The following PAN3 variants were observed in gnomAD, a reference collection of about 807,000 sequenced individuals.
PAN3 encodes the protein poly(A) specific ribonuclease subunit PAN3.
PAN3 carries 19 observed loss-of-function variants against 96.2 expected under a neutral mutation model. The ratio of observed to expected loss-of-function variants is 0.20; its 90% CI spans 0.14 to 0.29. The LOEUF is 0.29. PAN3 is among the 10% of genes least tolerant of loss of function. The pLI is 1.00. For missense variants in PAN3, 882 were observed against 1,108.1 expected, an observed-to-expected ratio of 0.80 and a Z score of 2.90; for synonymous variants, 433 against 406.6, an observed-to-expected ratio of 1.06 and a Z score of -0.78.
intron 5 of PAN3, chr13:28,214,369 C>T (rs376489331): frequency 1.2e-4 from 18 of 155,358 alleles, no homozygotes; most frequent in South Asian, 4.0e-4. Context: ...TTGATAATGT[C>T]GAATACTAAT....
At chr13:28,216,924 C>A (rs924494331) in intron 5 of PAN3, among the ~76,000 whole-genome samples, 28 of 150,064 alleles carry the variant, frequency 1.9e-4, no homozygotes, top group Admixed American at 1.7e-3. Context: ...GAGACCAGCC[C>A]AGCCAACATG....
chr13:28,185,399 A>G (rs1420581379), intron 4 of PAN3, among the ~76,000 whole-genome samples: 2 of 152,200 alleles, frequency 1.3e-5, no homozygotes, highest in Non-Finnish European at 2.9e-5. Flanking sequence ...ATAAAGATGT[A>G]CTTTGGAAAG....
At chr13:28,255,632 G>A (rs546721119) in intron 6 of PAN3, among the ~76,000 whole-genome samples, 25 of 152,198 alleles carry the variant, frequency 1.6e-4, no homozygotes, top group African/African-American at 5.5e-4. Flanking sequence ...TAAATAGTAT[G>A]CATCTGTAGA....
In PAN3 at chr13:28,197,363, T is replaced by C; in HGVS notation, c.852+17T>C. On this transcript the variant is annotated intron_variant, in intron 5 of 18. Coordinates refer to ENST00000380958, the MANE Select transcript of PAN3 (RefSeq NM_175854.8). The stretch of plus-strand genomic sequence containing the variant: ...AATTTACAGGTAAAAATAATTTTTA[T>C]TAGACATTTCTTGAAAGTGAATGTC... 1 of 1,555,348 alleles carries C rather than the reference T, an allele frequency of 6.4e-7. No homozygotes were observed. Among genetic ancestry groups the C allele is most frequent in the Non-Finnish European group, 8.7e-7 (1 of 1,147,618 alleles).
At chr13:28,143,792 T>C (rs1870189934) in intron 1 of PAN3, among the ~76,000 whole-genome samples, 1 of 152,216 alleles carries the variant, frequency 6.6e-6, no homozygotes, top group South Asian at 2.1e-4. Flanking sequence ...GATTATTGAA[T>C]TGTGATTGTC....
intron 18 of PAN3, among the ~76,000 whole-genome samples, chr13:28,290,275 C>T (rs1378059116): frequency 2.6e-5 from 4 of 152,188 alleles, no homozygotes; most frequent in Admixed American, 6.5e-5. Flanking sequence ...TATTAATGTA[C>T]AGTGTGGTAA....
At chr13:28,256,617 CCT>C in intron 7 of PAN3, 78 bp downstream of exon 7, 2 of 1,421,910 alleles carry the variant, frequency 1.4e-6, no homozygotes, top group Non-Finnish European at 1.9e-6. Context: ...TCTACCCCCT[CCT>C]GCAGCTTTTT....
At chr13:28,247,021 C>G (rs565746322) in intron 6 of PAN3, among the ~76,000 whole-genome samples, 1 of 152,016 alleles carries the variant, frequency 6.6e-6, no homozygotes, top group African/African-American at 2.4e-5. Flanking sequence ...TGGCTGTACT[C>G]GTTTTCATTC....
At chr13:28,176,342 C>A (rs1440822184) in intron 2 of PAN3, 151 bp from the exon 3 acceptor site, 1 of 712,826 alleles carries the variant, frequency 1.4e-6, no homozygotes, top group African/African-American at 1.8e-5. Flanking sequence ...TAGTTGTAAT[C>A]CAAGCAGTAA....
chr13:28,273,160 A>ACT (rs537334746), intron 14 of PAN3, among the ~76,000 whole-genome samples: 497 of 152,172 alleles, frequency 3.3e-3, no homozygotes, highest in Non-Finnish European at 5.1e-3. Context: ...CACTTCTTAT[A>ACT]CTTTATTAGT....
chr13:28,201,078 G>A (rs77570519), intron 5 of PAN3, among the ~76,000 whole-genome samples: 3,407 of 151,532 alleles, frequency 0.022, 116 homozygotes, highest in African/African-American at 0.078. Context: ...TGTTACCCAG[G>A]CTGGAATGCA....
intron 9 of PAN3, among the ~76,000 whole-genome samples, chr13:28,262,646 G>A (rs1348800144): frequency 1.3e-5 from 2 of 152,118 alleles, no homozygotes; most frequent in Non-Finnish European, 2.9e-5. Flanking sequence ...CACAAAGACC[G>A]GAAAGGAGAA....
At chr13:28,177,140 GATAA>G (rs1187966519) in intron 3 of PAN3, among the ~76,000 whole-genome samples, 3 of 151,990 alleles carry the variant, frequency 2.0e-5, no homozygotes, top group African/African-American at 7.2e-5. Flanking sequence ...CAGAAATGAA[GATAA>G]ATATTTAAGT....
At chr13:28,257,976 A>G (rs1885356653) in intron 7 of PAN3, among the ~76,000 whole-genome samples, 1 of 151,458 alleles carries the variant, frequency 6.6e-6, no homozygotes. Context: ...ATGCCTGGCT[A>G]ACTTTTGTAT....
At chr13:28,229,818 G>A (rs1179490725) in intron 6 of PAN3, among the ~76,000 whole-genome samples, 1 of 152,158 alleles carries the variant, frequency 6.6e-6, no homozygotes. Context: ...CATTTGCGTG[G>A]TTCCATCCCC....
intron 4 of PAN3, among the ~76,000 whole-genome samples, chr13:28,193,635 A>G (rs1267475592): frequency 2.0e-5 from 3 of 150,472 alleles, no homozygotes; most frequent in African/African-American, 4.9e-5. Context: ...CCCAGCTCCT[A>G]CGGAGGCTGA....
chr13:28,259,938 G>A (rs1302327478), intron 7 of PAN3, among the ~76,000 whole-genome samples: 1 of 151,916 alleles, frequency 6.6e-6, no homozygotes. Flanking sequence ...GCGCCTGGCC[G>A]AAATATTATT....
intron 1 of PAN3, among the ~76,000 whole-genome samples, chr13:28,172,021 C>T (rs781549675): frequency 2.6e-5 from 4 of 152,088 alleles, no homozygotes; most frequent in South Asian, 4.2e-4. Context: ...AAAGATGCTC[C>T]CAGCACCAAA....
At chr13:28,265,078 C>T (rs1566242689) in intron 9 of PAN3, among the ~76,000 whole-genome samples, 2 of 152,098 alleles carry the variant, frequency 1.3e-5, no homozygotes, top group Admixed American at 6.5e-5. Context: ...GTATTAAGTG[C>T]TCCTTAATAA....
Sources: allele counts gnomAD v4.1 joint callset (sites outside exome capture counted in the v4.1 genomes callset), GRCh38; gene constraint gnomAD v4.1.1; transcripts MANE v1.5; gene names NCBI Gene and HGNC (gene_info 2026-07-23, HGNC 2026-07-21).